AQR: variants seen among roughly 807,000 people sequenced by gnomAD.
The protein encoded by AQR is RNA helicase aquarius.
In AQR, 61 loss-of-function variants were observed where a neutral mutation model predicts 180.5. The observed-to-expected ratio is 0.34, with a 90% CI of 0.28 to 0.42. The LOEUF (loss-of-function observed/expected upper bound fraction) is 0.42, where lower values mean the gene tolerates loss of function less well. Ranked by LOEUF, AQR falls within the 10% of genes least tolerant of loss-of-function variation. AQR has a pLI of 1.00. For synonymous variants in AQR, 551 were observed against 588.8 expected (o/e 0.94, Z 0.93); for missense variants, 1,281 against 1,798.3 (o/e 0.71, Z 5.20).
At chr15:34,882,667 A>C (rs778939389) in intron 26 of AQR, 28 bp from the exon 27 acceptor site, 2 of 1,586,464 alleles carry the variant, frequency 1.3e-6, no homozygotes, top group Non-Finnish European at 1.7e-6. Context: ...AATGAAAGAT[A>C]ATTTTAGGAA....
At position 34,952,896 on chromosome 15, in the gene AQR, G is replaced by A. The variant is rs776816217; in HGVS notation, c.198C>T (p.Leu66=). The part of the protein sequence containing the change: ...KSRFAIRKIM[L]LEFSQYLENY... ...GCCTTATAACTTACCTAAATTCCAAGAGCATTATCTTTCTAATAGCAAACC... is the reference window on the plus strand; with the variant it reads ...GCCTTATAACTTACCTAAATTCCAAAAGCATTATCTTTCTAATAGCAAACC... Residue 66 remains leucine (L), a synonymous_variant, in exon 4 of 35, where the codon CTC becomes CTT. Transcript: ENST00000156471. 11 of 1,465,370 alleles carry A rather than the reference G, an allele frequency of 7.5e-6. No individual in the cohort carries two copies. The highest frequency in any genetic ancestry group is 1.0e-5 in the Non-Finnish European group (11 of 1,066,272). The allele number at this position is 1,465,370 out of a possible 1,614,324, so 90.8% of individuals were successfully genotyped here.
In AQR at chr15:34,918,280, T is replaced by G. The variant is rs1222654171; in HGVS notation, c.1320A>C (p.Pro440=). 4 of 1,613,772 alleles carry G rather than the reference T, an allele frequency of 2.5e-6. No individual in the cohort carries two copies. Among genetic ancestry groups the G allele is most frequent in the Admixed American group, 1.7e-5 (1 of 60,014 alleles). ...TACCTTCTCCAGAATAGTACTCAGT[T>G]GGGACAATATTTTCATCCCATATAA... The part of the protein sequence containing the change: ...EKIIWDENIV[P]TEYYSGEGCL... Residue 440 remains proline (P), a synonymous_variant, in exon 15 of 35, where the codon CCA becomes CCC. Coordinates refer to ENST00000156471, the MANE Select transcript of AQR (RefSeq NM_014691.3).
intron 4 of AQR, among the ~76,000 whole-genome samples, chr15:34,950,901 GTT>G (rs1257309772): frequency 6.6e-6 from 1 of 152,102 alleles, no homozygotes; most frequent in Non-Finnish European, 1.5e-5. Context: ...GCTTGCCACA[GTT>G]TTTAAGAGTA....
At position 34,927,024 on chromosome 15, in the gene AQR, T is replaced by G. The variant is rs775661325; in HGVS notation, c.1118+11A>C. On this transcript the variant is annotated intron_variant, in intron 13 of 34. Coordinates refer to ENST00000156471, the MANE Select transcript of AQR (RefSeq NM_014691.3). ...CAAAAAAAGAATATATAGTTTTTCA[T>G]GTTGTCTTACCTAAGAGGTCCAAAA... The G allele has an allele frequency of 1.4e-6, 2 of 1,478,876 alleles. No homozygotes were observed. The highest frequency in any genetic ancestry group is 2.7e-5 in the South Asian group (2 of 75,256). 91.6% of individuals were successfully genotyped at this position (1,478,876 alleles called of 1,614,324 possible).
rs748467841 is a variant in AQR, at chr15:34,918,359, C to T, written c.1241G>A (p.Arg414Gln). 13 of 1,613,406 alleles carry T rather than the reference C, an allele frequency of 8.1e-6. No homozygotes were observed. Among genetic ancestry groups the T allele is most frequent in the Middle Eastern group, 1.6e-4 (1 of 6,080 alleles). ...GTTCAACTGCTGAATCTGAGAAATT[C>T]GACGTTCATGACGAGATACCTAAAA... ...LELLVSRHER[R>Q]ISQIQQLNQM... The change falls in exon 15 of 35, where the codon CGA (arginine) becomes CAA (glutamine). Residue 414 changes from arginine to glutamine, a missense_variant. Arg to Gln is a conservative substitution (Grantham distance 43). Around this residue, in one of 9 missense-constraint regions of AQR, gnomAD observed 404 missense variants for 490.9 expected, o/e 0.82. Coordinates refer to ENST00000156471, the MANE Select transcript of AQR (RefSeq NM_014691.3).
At chr15:34,886,497 G>A in intron 25 of AQR, 29 bp downstream of exon 25, 2 of 1,579,742 alleles carry the variant, frequency 1.3e-6, no homozygotes, top group South Asian at 1.2e-5. Flanking sequence ...TTATGATGAA[G>A]TATGATTCAA....
chr15:34,870,090 A>G (rs1168524996), intron 31 of AQR: 1 of 152,192 alleles, frequency 6.6e-6, no homozygotes, highest in Non-Finnish European at 1.5e-5. Flanking sequence ...TTTTCATAAC[A>G]AAAGGCCCTC....
chr15:34,962,438 T>C (rs557090282), intron 2 of AQR, among the ~76,000 whole-genome samples: 1 of 152,346 alleles, frequency 6.6e-6, no homozygotes, highest in East Asian at 1.9e-4. Context: ...TGCTCTGTTA[T>C]TGTTTTCATC....
intron 15 of AQR, among the ~76,000 whole-genome samples, chr15:34,918,025 T>C (rs1016546785): frequency 6.6e-6 from 1 of 152,080 alleles, no homozygotes; most frequent in Non-Finnish European, 1.5e-5. Flanking sequence ...TAGGGCTTTA[T>C]GGTCGTATTT....
chr15:34,878,233 T>G (rs896187956), intron 27 of AQR, among the ~76,000 whole-genome samples: 5 of 150,444 alleles, frequency 3.3e-5, no homozygotes, highest in Admixed American at 6.6e-5. Context: ...AAAAATACAG[T>G]AAGTTGGTTG....
chr15:34,893,338 G>T (rs552304639), intron 23 of AQR, among the ~76,000 whole-genome samples: 6 of 152,152 alleles, frequency 3.9e-5, no homozygotes, highest in African/African-American at 1.2e-4. Flanking sequence ...TCTAAATATG[G>T]TCACTGCGTG....
intron 5 of AQR, among the ~76,000 whole-genome samples, chr15:34,946,796 C>CG (rs1894132264): frequency 6.8e-6 from 1 of 147,014 alleles, no homozygotes; most frequent in Non-Finnish European, 1.5e-5. Flanking sequence ...CTGCCCCGTC[C>CG]GGGAAGTGAG....
chr15:34,964,550 G>A (rs769215976), intron 1 of AQR: 111 of 544,462 alleles, frequency 2.0e-4, no homozygotes, highest in African/African-American at 1.9e-3. Context: ...CCACCCTAGA[G>A]AAACAATACA....
At chr15:34,891,751 CTTCTT>C (rs1893153338) in intron 23 of AQR, among the ~76,000 whole-genome samples, 1 of 151,924 alleles carries the variant, frequency 6.6e-6, no homozygotes, top group African/African-American at 2.4e-5. Context: ...AAGAAAAAAA[CTTCTT>C]TTCATAATTT....
chr15:34,923,394 G>GT (rs896320315), intron 13 of AQR, among the ~76,000 whole-genome samples: 2 of 152,166 alleles, frequency 1.3e-5, no homozygotes, highest in African/African-American at 4.8e-5. Context: ...GCTGTAGCGT[G>GT]TTTTTTAATT....
chr15:34,879,708 G>A (rs1949508228), intron 27 of AQR, among the ~76,000 whole-genome samples: 1 of 152,078 alleles, frequency 6.6e-6, no homozygotes, highest in Non-Finnish European at 1.5e-5. Flanking sequence ...GGTTTAAAGA[G>A]GCAATTAGAC....
intron 3 of AQR, among the ~76,000 whole-genome samples, chr15:34,957,303 C>T (rs1284127040): frequency 6.6e-6 from 1 of 151,894 alleles, no homozygotes; most frequent in African/African-American, 2.4e-5. Context: ...ATTACAGATG[C>T]GTGCCACCAC....
At chr15:34,929,789 TC>T (rs1408334261) in intron 12 of AQR, among the ~76,000 whole-genome samples, 1 of 152,170 alleles carries the variant, frequency 6.6e-6, no homozygotes, top group Non-Finnish European at 1.5e-5. Context: ...AAATAAAACT[TC>T]CTTCTGCCAT....
intron 23 of AQR, 85 bp downstream of exon 23, chr15:34,893,578 C>T: frequency 8.4e-7 from 1 of 1,191,036 alleles, no homozygotes; most frequent in Non-Finnish European, 1.2e-6. Context: ...CAACCCCTAA[C>T]CTGCATACCC....
Sources: gnomAD v4.1 joint callset for allele counts (sites outside exome capture counted in the v4.1 genomes callset) on GRCh38, gnomAD v4.1.1 for gene constraint, gnomAD v4.1.1 regional missense constraint, MANE v1.5 for transcripts, NCBI Gene and HGNC (gene_info 2026-07-23, HGNC 2026-07-21) for gene names.